Variants in XKR9 observed in about 807,000 individuals in gnomAD.
The protein encoded by XKR9 is XK related 9, also known as XK-related protein 9.
Under a neutral mutation model 32.0 loss-of-function variants are expected in XKR9, and 32 were observed. That is an observed-to-expected ratio of 1.00 (90% CI 0.76 to 1.34). The LOEUF is 1.34. XKR9 is among the 40% of genes most tolerant of loss of function. The probability of loss-of-function intolerance (pLI) is 0.00; values close to 1 mark genes in which losing one functional copy is unlikely to be tolerated. For missense variants in XKR9, 546 were observed against 429.7 expected (o/e 1.27, Z -2.39); for synonymous variants, 168 against 143.4 (o/e 1.17, Z -1.22).
chr8:70,777,905 C>T, intron 2 of XKR9, among the ~76,000 whole-genome samples: 1 of 152,052 alleles, frequency 6.6e-6, no homozygotes, highest in East Asian at 1.9e-4. Flanking sequence ...CTGTAGGTTG[C>T]CTGTTCATTC....
At chr8:71,004,365 T>A in the XKR9 span, among the ~76,000 whole-genome samples, 2 of 151,624 alleles carry the variant, frequency 1.3e-5, no homozygotes, top group Non-Finnish European at 2.9e-5. Context: ...AGAAAAAGAG[T>A]GACACAGAGG....
the XKR9 span, among the ~76,000 whole-genome samples, chr8:70,903,008 T>C: frequency 6.6e-6 from 1 of 152,230 alleles, no homozygotes; most frequent in African/African-American, 2.4e-5. Flanking sequence ...TCATGTTTGA[T>C]AGGCTTCTTG....
At chr8:70,750,038 A>C (rs527807086) in intron 2 of XKR9, among the ~76,000 whole-genome samples, 2 of 152,240 alleles carry the variant, frequency 1.3e-5, no homozygotes, top group East Asian at 3.9e-4. Context: ...TGTATGCATG[A>C]ATGCACTTAT....
At chr8:71,041,892 A>G in the XKR9 span, among the ~76,000 whole-genome samples, 1 of 152,192 alleles carries the variant, frequency 6.6e-6, no homozygotes, top group Non-Finnish European at 1.5e-5. Context: ...TCTTTTATAA[A>G]TTACCCAGTC....
the XKR9 span, among the ~76,000 whole-genome samples, chr8:70,956,365 C>T: frequency 6.6e-6 from 1 of 152,040 alleles, no homozygotes; most frequent in Non-Finnish European, 1.5e-5. Context: ...GTTTTTATGT[C>T]CTCAAAATGG....
intron 3 of XKR9, among the ~76,000 whole-genome samples, chr8:70,697,301 T>C (rs1305255260): frequency 1.3e-5 from 2 of 151,104 alleles, no homozygotes; most frequent in African/African-American, 2.4e-5. Flanking sequence ...GCCCATTCAG[T>C]ATGATATTGG....
chr8:70,959,944 A>T, the XKR9 span, among the ~76,000 whole-genome samples: 1 of 152,348 alleles, frequency 6.6e-6, no homozygotes, highest in South Asian at 2.1e-4. Flanking sequence ...GGATTAAAAA[A>T]GTTGGCCGGG....
the XKR9 span, among the ~76,000 whole-genome samples, chr8:70,890,903 G>C: frequency 6.6e-6 from 1 of 151,902 alleles, no homozygotes; most frequent in African/African-American, 2.4e-5. Context: ...GCAGAATTCT[G>C]CAGCAGATCA....
the XKR9 span, among the ~76,000 whole-genome samples, chr8:70,798,562 C>T: frequency 6.6e-6 from 1 of 152,148 alleles, no homozygotes; most frequent in East Asian, 1.9e-4. Context: ...TTAATCAGGT[C>T]CCATTTGTCA....
chr8:71,020,319 T>A, the XKR9 span, among the ~76,000 whole-genome samples: 8 of 152,192 alleles, frequency 5.3e-5, no homozygotes, highest in African/African-American at 1.9e-4. Flanking sequence ...GAAAAACTGT[T>A]CCATAACCAC....
the XKR9 span, among the ~76,000 whole-genome samples, chr8:70,826,296 C>G: frequency 2.4e-4 from 36 of 152,196 alleles, 1 homozygote; most frequent in East Asian, 5.0e-3. Context: ...TGTGGCATAT[C>G]AGAAGCTTTG....
chr8:70,872,412 T>A, the XKR9 span, among the ~76,000 whole-genome samples: 2 of 152,172 alleles, frequency 1.3e-5, no homozygotes, highest in Non-Finnish European at 2.9e-5. Context: ...AAGAAGCCAT[T>A]TCCATTACAT....
the XKR9 span, among the ~76,000 whole-genome samples, chr8:70,996,143 G>T: frequency 6.6e-6 from 1 of 152,182 alleles, no homozygotes; most frequent in Admixed American, 6.5e-5. Flanking sequence ...AAAACTAAAT[G>T]AAAGTTTATT....
the XKR9 span, among the ~76,000 whole-genome samples, chr8:70,904,800 T>C: frequency 6.6e-6 from 1 of 152,220 alleles, no homozygotes; most frequent in South Asian, 2.1e-4. Flanking sequence ...TTGGGAGCTC[T>C]TCTAAGGCAG....
At chr8:70,937,110 C>A in the XKR9 span, among the ~76,000 whole-genome samples, 1 of 151,748 alleles carries the variant, frequency 6.6e-6, no homozygotes, top group Non-Finnish European at 1.5e-5. Context: ...ATACACACAC[C>A]CCACATTAAC....
intron 3 of XKR9, among the ~76,000 whole-genome samples, chr8:70,704,793 A>C (rs1255940979): frequency 6.6e-6 from 1 of 152,230 alleles, no homozygotes; most frequent in Non-Finnish European, 1.5e-5. Context: ...TCAGATACCC[A>C]GAAAAGGCTA....
At chr8:71,030,587 T>C in the XKR9 span, among the ~76,000 whole-genome samples, 2 of 152,190 alleles carry the variant, frequency 1.3e-5, no homozygotes, top group African/African-American at 2.4e-5. Flanking sequence ...ACTAAGCTAG[T>C]ACTTCATTTT....
At chr8:71,021,507 T>G in the XKR9 span, among the ~76,000 whole-genome samples, 1 of 143,428 alleles carries the variant, frequency 7.0e-6, no homozygotes. Context: ...TCTTTTTTTT[T>G]TTTTTTTTTT....
chr8:70,720,470 T>G (rs566471239), intron 4 of XKR9, among the ~76,000 whole-genome samples: 10 of 152,114 alleles, frequency 6.6e-5, no homozygotes, highest in Admixed American at 2.6e-4. Context: ...TGAGATATGT[T>G]TCATCAATAC....
Sources: allele counts gnomAD v4.1 joint callset (sites outside exome capture counted in the v4.1 genomes callset), GRCh38; gene constraint gnomAD v4.1.1; transcripts MANE v1.5; gene names NCBI Gene and HGNC (gene_info 2026-07-23, HGNC 2026-07-21).